SASH1: variants seen among roughly 807,000 people sequenced by gnomAD.
SASH1 encodes the protein SAM and SH3 domain containing 1.
SASH1 carries 44 observed loss-of-function variants against 125.2 expected under a neutral mutation model. That is an observed-to-expected ratio of 0.35 (90% CI 0.28 to 0.45). SASH1 has a LOEUF of 0.45. SASH1 is among the 20% of genes least tolerant of loss of function. The pLI, the probability that SASH1 is intolerant of heterozygous loss-of-function variation, is 1.00. For synonymous variants in SASH1, 639 were observed against 649.1 expected, an observed-to-expected ratio of 0.98 and a Z score of 0.24; for missense variants, 1,426 against 1,614.5, an observed-to-expected ratio of 0.88 and a Z score of 2.00.
chr6:148,380,014 C>G (rs1385946755), intron 1 of SASH1: 3 of 454,464 alleles, frequency 6.6e-6, no homozygotes, highest in African/African-American at 6.0e-5. Flanking sequence ...CAGTTGTTAC[C>G]TGTCAGTTCT....
chr6:148,383,960 C>T (rs577225835), intron 1 of SASH1, among the ~76,000 whole-genome samples: 1 of 152,224 alleles, frequency 6.6e-6, no homozygotes, highest in South Asian at 2.1e-4. Context: ...GACAAAGATG[C>T]TCTGTGGCTT....
At chr6:148,268,669 G>A (rs945278702), upstream of SASH1, among the ~76,000 whole-genome samples, 4 of 152,192 alleles carry the variant, frequency 2.6e-5, no homozygotes, top group Non-Finnish European at 5.9e-5. Context: ...CATGGCCTAA[G>A]TAGTTAACCT....
intron 2 of SASH1, among the ~76,000 whole-genome samples, chr6:148,412,826 T>C (rs1232491905): frequency 6.6e-6 from 1 of 152,128 alleles, no homozygotes; most frequent in Non-Finnish European, 1.5e-5. Flanking sequence ...ATCACTAGGA[T>C]GCTAAGTCAT....
At chr6:148,347,744 A>C (rs963702710) in intron 1 of SASH1, among the ~76,000 whole-genome samples, 1 of 127,688 alleles carries the variant, frequency 7.8e-6, no homozygotes, top group African/African-American at 2.9e-5. Flanking sequence ...CTTCACCTTA[A>C]TTTTATGATG....
chr6:148,309,484 C>A (rs1375839528), intron 1 of SASH1, among the ~76,000 whole-genome samples: 1 of 152,052 alleles, frequency 6.6e-6, no homozygotes, highest in East Asian at 1.9e-4. Context: ...CCATATCCAC[C>A]CACTAGTTCT....
intron 2 of SASH1, among the ~76,000 whole-genome samples, chr6:148,431,724 T>C (rs1423884174): frequency 1.3e-5 from 2 of 151,776 alleles, no homozygotes; most frequent in African/African-American, 4.8e-5. Context: ...CAGCCAGGAC[T>C]GAAAGGTTAA....
chr6:148,449,138 C>T (rs1227368156), intron 4 of SASH1, among the ~76,000 whole-genome samples: 4 of 137,592 alleles, frequency 2.9e-5, no homozygotes, highest in African/African-American at 8.3e-5. Flanking sequence ...GTGCAAATCT[C>T]GGCTCACTGC....
At chr6:148,354,465 ATTTTTTTGTGT>A (rs1781850326) in intron 1 of SASH1, among the ~76,000 whole-genome samples, 1 of 151,810 alleles carries the variant, frequency 6.6e-6, no homozygotes, top group South Asian at 2.1e-4. Flanking sequence ...TATAATCCTG[ATTTTTTTGTGT>A]TTTTTTTGTT....
At chr6:148,322,889 C>CTTTCTT (rs879462931) in intron 1 of SASH1, among the ~76,000 whole-genome samples, 1 of 111,506 alleles carries the variant, frequency 9.0e-6, no homozygotes, top group African/African-American at 3.1e-5. Context: ...CTTTCTTTTT[C>CTTTCTT]TTCTTTCTTT....
At chr6:148,196,691 G>T in the SASH1 span, among the ~76,000 whole-genome samples, 1 of 152,196 alleles carries the variant, frequency 6.6e-6, no homozygotes, top group Non-Finnish European at 1.5e-5. Flanking sequence ...ACTCAGGAAG[G>T]TCAAAATATA....
intron 9 of SASH1, among the ~76,000 whole-genome samples, chr6:148,515,889 G>C (rs1174363045): frequency 1.3e-5 from 2 of 152,150 alleles, no homozygotes; most frequent in African/African-American, 4.8e-5. Context: ...AGATGGGTGG[G>C]GTTCATCCAT....
At chr6:148,539,395 A>G (rs535059667) in intron 16 of SASH1, among the ~76,000 whole-genome samples, 4 of 151,542 alleles carry the variant, frequency 2.6e-5, no homozygotes, top group African/African-American at 9.7e-5. Context: ...CCATTATATC[A>G]CTTTGTATGC....
chr6:148,326,323 C>CATATGTATATATATATAT (rs71004286), intron 1 of SASH1, among the ~76,000 whole-genome samples: 3 of 9,826 alleles, frequency 3.1e-4, no homozygotes, highest in African/African-American at 1.2e-3. Context: ...CCACCGCATG[C>CATATGTATATATATATAT]ATATATATAT....
At chr6:148,319,677 A>C (rs6936031) in intron 1 of SASH1, among the ~76,000 whole-genome samples, 40,471 of 151,838 alleles carry the variant, frequency 0.27, 5,434 homozygotes, top group African/African-American at 0.33. Context: ...ACCACGCCCA[A>C]CTAATTTTGT....
chr6:148,459,533 C>CT (rs1413731285), intron 4 of SASH1, among the ~76,000 whole-genome samples: 1 of 152,150 alleles, frequency 6.6e-6, no homozygotes, highest in Admixed American at 6.5e-5. Context: ...TTCACTGCAC[C>CT]TTTGTAGGGA....
chr6:148,234,948 C>T, the SASH1 span, among the ~76,000 whole-genome samples: 34,193 of 151,984 alleles, frequency 0.22, 4,176 homozygotes, highest in East Asian at 0.36. Flanking sequence ...AAAATGTACC[C>T]GTAATGGGTC....
chr6:148,382,732 G>A (rs988251013), intron 1 of SASH1, among the ~76,000 whole-genome samples: 16 of 152,104 alleles, frequency 1.1e-4, no homozygotes, highest in African/African-American at 2.9e-4. Flanking sequence ...TGTGGTAACC[G>A]GGATCCACCT....
At chr6:148,392,374 G>T (rs1330924478) in intron 2 of SASH1, among the ~76,000 whole-genome samples, 1 of 151,834 alleles carries the variant, frequency 6.6e-6, no homozygotes, top group Non-Finnish European at 1.5e-5. Flanking sequence ...TCTACTTAGG[G>T]TGAGCACACA....
rs966181555 is a variant in SASH1 at position 148,379,604 on chromosome 6, A to AATCC, written c.157-10506_157-10503dup. On this transcript the variant is annotated intron_variant, in intron 1 of 19. Transcript: ENST00000367467. ...TCAACTTTACTGCCATCCATCCATC[A>AATCC]ATCCATCCATCCATCCATCCATCCA... Among the ~76,000 whole-genome samples, 157 of 152,000 alleles carry AATCC rather than the reference A, an allele frequency of 1.0e-3. 1 individual carries two copies. The highest frequency in any genetic ancestry group is 3.3e-3 in the African/African-American group (136 of 41,488).
Sources: gnomAD v4.1 joint callset for allele counts (sites outside exome capture counted in the v4.1 genomes callset) on GRCh38, gnomAD v4.1.1 for gene constraint, MANE v1.5 for transcripts, NCBI Gene and HGNC (gene_info 2026-07-23, HGNC 2026-07-21) for gene names.